CFAP58: variants seen among roughly 807,000 people sequenced by gnomAD.
CFAP58 encodes cilia and flagella associated protein 58, also known as cilia- and flagella-associated protein 58.
CFAP58 carries 88 observed loss-of-function variants against 119.5 expected under a neutral mutation model. The observed-to-expected ratio is 0.74, with a 90% CI of 0.62 to 0.88. The LOEUF (loss-of-function observed/expected upper bound fraction) is 0.88. Among genes scored for constraint, CFAP58 ranks in the 40% least tolerant of loss-of-function variants. CFAP58 has a pLI of 0.00. For synonymous variants in CFAP58, 365 were observed against 366.3 expected (o/e 1.00, Z 0.04); for missense variants, 990 against 1,021.2 (o/e 0.97, Z 0.42).
intron 11 of CFAP58, among the ~76,000 whole-genome samples, chr10:104,398,492 T>G (rs1382111824): frequency 6.6e-6 from 1 of 152,212 alleles, no homozygotes; most frequent in Non-Finnish European, 1.5e-5. Flanking sequence ...AACAAACTTG[T>G]GGAATAGAAA....
At chr10:104,433,769 A>G (rs2012887689) in intron 15 of CFAP58, among the ~76,000 whole-genome samples, 1 of 152,266 alleles carries the variant, frequency 6.6e-6, no homozygotes, top group African/African-American at 2.4e-5. Context: ...ATTTTAATTT[A>G]GCATACTCTT....
chr10:104,429,614 A>G (rs1007307605), intron 15 of CFAP58, among the ~76,000 whole-genome samples: 1 of 152,216 alleles, frequency 6.6e-6, no homozygotes, highest in South Asian at 2.1e-4. Flanking sequence ...TTGATATTGA[A>G]TATTACTGTG....
At chr10:104,361,650 C>G (rs1244926153) in intron 2 of CFAP58, among the ~76,000 whole-genome samples, 2 of 152,110 alleles carry the variant, frequency 1.3e-5, no homozygotes, top group Non-Finnish European at 2.9e-5. Flanking sequence ...CTCAGCTACA[C>G]AAGAAAAAAT....
At chr10:104,353,970 G>C in intron 1 of CFAP58, 64 bp downstream of exon 1, 1 of 1,580,394 alleles carries the variant, frequency 6.3e-7, no homozygotes. Context: ...CTCTCCTACT[G>C]ACGATTGTCA....
At chr10:104,412,584 C>T (rs1465895374) in intron 15 of CFAP58, among the ~76,000 whole-genome samples, 1 of 152,174 alleles carries the variant, frequency 6.6e-6, no homozygotes, top group Non-Finnish European at 1.5e-5. Context: ...GAGAAGTTCT[C>T]TGTACTCACA....
chr10:104,347,864 C>T, the CFAP58 span, among the ~76,000 whole-genome samples: 3 of 152,156 alleles, frequency 2.0e-5, no homozygotes, highest in East Asian at 5.8e-4. Context: ...GGAAGAAGCT[C>T]CCTCTCCCAT....
intron 15 of CFAP58, among the ~76,000 whole-genome samples, chr10:104,422,067 G>T (rs1259169472): frequency 6.6e-6 from 1 of 152,108 alleles, no homozygotes; most frequent in African/African-American, 2.4e-5. Flanking sequence ...CACACCTGTA[G>T]TCCCAGCTAC....
chr10:104,351,408 G>C (rs1297472833), upstream of CFAP58, among the ~76,000 whole-genome samples: 1 of 152,204 alleles, frequency 6.6e-6, no homozygotes, highest in Non-Finnish European at 1.5e-5. Context: ...GATAGACAAA[G>C]CAATCTTAAC....
rs186188224 is a variant in CFAP58, at chr10:104,417,038, G to T, written c.2256+10245G>T. ...GCTCTTTAGAAATGCAGGATCCCTG[G>T]ACCCCCTGAGGCTTAATGAATAAGA... On this transcript the variant is annotated intron_variant, in intron 15 of 17. Transcript: ENST00000369704. Among the ~76,000 whole-genome samples, 331 of 152,300 alleles carry T rather than the reference G, an allele frequency of 2.2e-3. 1 individual carries two copies. Among genetic ancestry groups the T allele is most frequent in the African/African-American group, 7.8e-3 (323 of 41,560 alleles).
At chr10:104,451,544 A>G (rs990962476) in intron 17 of CFAP58, among the ~76,000 whole-genome samples, 2 of 152,184 alleles carry the variant, frequency 1.3e-5, no homozygotes, top group African/African-American at 4.8e-5. Flanking sequence ...TTCTCAGGTG[A>G]TTTTCATGCA....
intron 15 of CFAP58, among the ~76,000 whole-genome samples, chr10:104,423,993 A>T (rs894818451): frequency 2.6e-5 from 4 of 152,186 alleles, no homozygotes; most frequent in African/African-American, 4.8e-5. Context: ...TTATGATTTT[A>T]GGGGAATTTA....
chr10:104,388,375 C>T (rs1236690414), intron 9 of CFAP58, among the ~76,000 whole-genome samples: 1 of 152,072 alleles, frequency 6.6e-6, no homozygotes, highest in African/African-American at 2.4e-5. Flanking sequence ...CACTTAAATC[C>T]TCATAATAGC....
intron 9 of CFAP58, among the ~76,000 whole-genome samples, chr10:104,390,160 T>C (rs1406803725): frequency 6.6e-6 from 1 of 152,184 alleles, no homozygotes; most frequent in Non-Finnish European, 1.5e-5. Flanking sequence ...CACAAGTGCA[T>C]GAGAATACAC....
At chr10:104,396,059 A>C (rs1331850840) in intron 11 of CFAP58, among the ~76,000 whole-genome samples, 2 of 152,166 alleles carry the variant, frequency 1.3e-5, no homozygotes, top group Non-Finnish European at 2.9e-5. Flanking sequence ...ACAGGATGTC[A>C]GTAGTTCTCT....
At chr10:104,355,186 C>T (rs2014527698) in intron 1 of CFAP58, among the ~76,000 whole-genome samples, 1 of 152,132 alleles carries the variant, frequency 6.6e-6, no homozygotes, top group African/African-American at 2.4e-5. Context: ...CTTTCTTGTT[C>T]CTTCTAGTTC....
In CFAP58 at chr10:104,384,088, G is replaced by C. The variant is rs79201842; in HGVS notation, c.1365+3868G>C. Among the ~76,000 whole-genome samples, 568 of 152,266 alleles carry C rather than the reference G, an allele frequency of 3.7e-3. 1 individual carries two copies. The highest frequency in any genetic ancestry group is 0.013 in the African/African-American group (542 of 41,546). Reference sequence around the variant, plus strand: ...TAAATAAATTGTGTTACATTTATTTGACATAGTATTATGTAGCTGTTAAAA... The same window carrying C: ...TAAATAAATTGTGTTACATTTATTTCACATAGTATTATGTAGCTGTTAAAA... On this transcript the variant is annotated intron_variant, in intron 9 of 17. Transcript: ENST00000369704.
At chr10:104,449,383 T>G (rs867637067) in intron 16 of CFAP58, among the ~76,000 whole-genome samples, 1 of 152,290 alleles carries the variant, frequency 6.6e-6, no homozygotes, top group Middle Eastern at 3.4e-3. Flanking sequence ...TTTTCTCTTT[T>G]TGGTTTTGGT....
chr10:104,423,927 A>G (rs1473231990), intron 15 of CFAP58, among the ~76,000 whole-genome samples: 1 of 152,214 alleles, frequency 6.6e-6, no homozygotes, highest in Non-Finnish European at 1.5e-5. Context: ...CAGGTGGAGC[A>G]GAAATTAATT....
At chr10:104,344,495 T>C in the CFAP58 span, among the ~76,000 whole-genome samples, 366 of 152,330 alleles carry the variant, frequency 2.4e-3, 3 homozygotes, top group African/African-American at 7.7e-3. Flanking sequence ...AACAGCACAG[T>C]TGAGTAGCTG....
Sources: gnomAD v4.1 joint callset for allele counts (sites outside exome capture counted in the v4.1 genomes callset) on GRCh38, gnomAD v4.1.1 for gene constraint, MANE v1.5 for transcripts, NCBI Gene and HGNC (gene_info 2026-07-23, HGNC 2026-07-21) for gene names.